The following BCAS3 variants were observed in gnomAD, a reference collection of about 807,000 sequenced individuals.
The protein encoded by BCAS3 is BCAS4/BCAS3 fusion.
BCAS3 carries 53 observed loss-of-function variants against 116.1 expected under a neutral mutation model. That is an observed-to-expected ratio of 0.46 (90% CI 0.37 to 0.57). BCAS3 has a LOEUF of 0.57. Ranked by LOEUF, BCAS3 falls within the 20% of genes least tolerant of loss-of-function variation. The probability of loss-of-function intolerance (pLI) is 0.00; values close to 1 mark genes in which losing one functional copy is unlikely to be tolerated. For missense variants in BCAS3, 917 were observed against 1,165.4 expected (o/e 0.79, Z 3.10); for synonymous variants, 391 against 408.2 (o/e 0.96, Z 0.51).
intron 22 of BCAS3, among the ~76,000 whole-genome samples, chr17:61,283,873 C>T (rs1430882520): frequency 6.6e-6 from 1 of 152,192 alleles, no homozygotes; most frequent in Non-Finnish European, 1.5e-5. Flanking sequence ...AAACAGTCCT[C>T]CTGCCTCAGC....
At chr17:60,714,667 C>T (rs562284844) in intron 5 of BCAS3, among the ~76,000 whole-genome samples, 1 of 152,172 alleles carries the variant, frequency 6.6e-6, no homozygotes, top group African/African-American at 2.4e-5. Flanking sequence ...ACAAAACTGT[C>T]CCACCTGGGA....
chr17:60,831,475 CTA>C (rs2050924238), intron 7 of BCAS3, among the ~76,000 whole-genome samples: 1 of 152,234 alleles, frequency 6.6e-6, no homozygotes, highest in African/African-American at 2.4e-5. Flanking sequence ...CTGCACCGAC[CTA>C]TGTTATGTCT....
intron 9 of BCAS3, among the ~76,000 whole-genome samples, chr17:60,881,939 G>C (rs370799111): frequency 6.7e-6 from 1 of 149,576 alleles, no homozygotes; most frequent in East Asian, 1.9e-4. Context: ...GATTTATAGT[G>C]CTTTGGGTAT....
intron 6 of BCAS3, among the ~76,000 whole-genome samples, chr17:60,786,049 C>A (rs899287892): frequency 4.6e-5 from 7 of 152,184 alleles, no homozygotes; most frequent in African/African-American, 1.7e-4. Context: ...ACTTGAGCAT[C>A]TGCAGATTTT....
At chr17:60,937,890 G>C (rs1032570326) in intron 13 of BCAS3, among the ~76,000 whole-genome samples, 3 of 152,136 alleles carry the variant, frequency 2.0e-5, no homozygotes, top group Non-Finnish European at 2.9e-5. Context: ...CCTTGAGGCT[G>C]GTTACAGTCT....
At chr17:60,854,949 GTTTTTTT>G (rs1267985905) in intron 7 of BCAS3, among the ~76,000 whole-genome samples, 1 of 121,932 alleles carries the variant, frequency 8.2e-6, no homozygotes, top group Non-Finnish European at 1.6e-5. Flanking sequence ...TTTCAGTGAG[GTTTTTTT>G]TTTTTTTTTT....
In BCAS3 at chr17:61,125,818, G is replaced by A. The variant is rs900850060; in HGVS notation, c.2425+41254G>A. Among the ~76,000 whole-genome samples, 11 of 152,186 alleles carry A rather than the reference G, an allele frequency of 7.2e-5. No homozygotes were observed. In the East Asian group the frequency reaches 9.7e-4, roughly 13 times the overall value. On this transcript the variant is annotated intron_variant, in intron 22 of 23. Coordinates refer to ENST00000407086, the MANE Select transcript of BCAS3 (RefSeq NM_017679.5). ...AGACTTCCAAAATGTCTTCTTTTAC[G>A]TAACTTTATCCATTAGAGGAAAAGT...
At chr17:60,720,436 G>A (rs1358860476) in intron 5 of BCAS3, 4 of 152,070 alleles carry the variant, frequency 2.6e-5, no homozygotes, top group Non-Finnish European at 4.4e-5. Flanking sequence ...TGCGCCCAGC[G>A]TCTTATCTTC....
Position 61,007,657 on chromosome 17 carries a change from G to A in BCAS3, c.1487-8094G>A, listed in dbSNP as rs2064811492. On this transcript the variant is annotated intron_variant, in intron 15 of 23. Coordinates refer to ENST00000407086, the MANE Select transcript of BCAS3 (RefSeq NM_017679.5). This position sits in a 1 kb window ranked among gnomAD's most constrained non-coding sequence, Gnocchi z 4.3. Reference sequence around the variant, plus strand: ...CTCCATGCAGGCTACTTTGTATGTAGTGGGGAGAAGTGATGACACTATCAT... The same window carrying A: ...CTCCATGCAGGCTACTTTGTATGTAATGGGGAGAAGTGATGACACTATCAT... Among the ~76,000 whole-genome samples the A allele has an allele frequency of 6.6e-6, 1 of 151,644 alleles. No individual in the cohort carries two copies. The highest frequency in any genetic ancestry group is 1.5e-5 in the Non-Finnish European group (1 of 67,932).
chr17:61,055,070 T>C (rs754539126), intron 19 of BCAS3, among the ~76,000 whole-genome samples: 17 of 152,134 alleles, frequency 1.1e-4, no homozygotes, highest in East Asian at 1.9e-4. Context: ...GATTGGGTAG[T>C]GGGGATAGGG....
At chr17:60,684,906 G>A (rs969277093) in intron 3 of BCAS3, among the ~76,000 whole-genome samples, 4 of 152,076 alleles carry the variant, frequency 2.6e-5, no homozygotes, top group Non-Finnish European at 5.9e-5. Context: ...AACCTGAAAA[G>A]CTGAGTGGGA....
rs1379146385 is a variant in BCAS3, at chr17:61,104,150, G to A, written c.2425+19586G>A. ...CCAAAATGACTATTTCACTTGGAAA[G>A]TTTTGTCTTTTCTGTAAAAATTCCA... On this transcript the variant is annotated intron_variant, in intron 22 of 23. Transcript: ENST00000407086. The surrounding 1 kb of genome is among the most constrained non-coding windows in gnomAD (Gnocchi z 4.1). 2.0e-5 allele frequency among the ~76,000 whole-genome samples: 3 copies of A among 152,116 alleles called. No individual in the cohort carries two copies. The highest frequency in any genetic ancestry group is 4.4e-5 in the Non-Finnish European group (3 of 68,018).
chr17:61,112,487 A>G (rs1362439773), intron 22 of BCAS3, among the ~76,000 whole-genome samples: 1 of 47,918 alleles, frequency 2.1e-5, no homozygotes, highest in Non-Finnish European at 4.4e-5. Flanking sequence ...AAAGAGACAA[A>G]GAAGGCCATT....
At chr17:61,091,412 C>T (rs1353280553) in intron 22 of BCAS3, among the ~76,000 whole-genome samples, 1 of 152,062 alleles carries the variant, frequency 6.6e-6, no homozygotes, top group African/African-American at 2.4e-5. Context: ...GAGTTGGGGG[C>T]ACTATTAGAA....
rs1382384463 is a variant in BCAS3, at chr17:61,224,478, G to A, written c.2425+139914G>A. On this transcript the variant is annotated intron_variant, in intron 22 of 23. Transcript: ENST00000407086. The surrounding 1 kb of genome is among the most constrained non-coding windows in gnomAD (Gnocchi z 5.7). ...GAAAACAGGGTGTACATATGGGGAC[G>A]AGCAGGTGGTTTGGTTTGCCCATCA... is the stretch of plus-strand genomic sequence containing the variant. Among the ~76,000 whole-genome samples, 2 of 152,190 alleles carry A rather than the reference G, an allele frequency of 1.3e-5. No homozygotes were observed. Among genetic ancestry groups the A allele is most frequent in the Admixed American group, 1.3e-4 (2 of 15,284 alleles).
At chr17:60,868,815 G>C in intron 8 of BCAS3, 132 bp downstream of exon 8, 1 of 510,996 alleles carries the variant, frequency 2.0e-6, no homozygotes, top group Non-Finnish European at 3.4e-6. Flanking sequence ...TCTGAATTCT[G>C]TTCAGTGGAA....
chr17:60,764,361 C>T (rs538442697), intron 6 of BCAS3, among the ~76,000 whole-genome samples: 4 of 152,296 alleles, frequency 2.6e-5, no homozygotes, highest in Admixed American at 2.0e-4. Context: ...CTACACACTG[C>T]TTTAAATGTG....
chr17:61,342,127 C>G (rs566436240), intron 22 of BCAS3, among the ~76,000 whole-genome samples: 1 of 152,256 alleles, frequency 6.6e-6, no homozygotes, highest in East Asian at 1.9e-4. Flanking sequence ...CCTCAGCCTC[C>G]TGAGTAGCTG....
intron 22 of BCAS3, among the ~76,000 whole-genome samples, chr17:61,237,539 G>C (rs1229038151): frequency 2.6e-5 from 4 of 152,328 alleles, no homozygotes; most frequent in Middle Eastern, 3.4e-3. Flanking sequence ...GCTGCTCACT[G>C]TTTGGGTCCT....
Sources: gnomAD v4.1 joint callset for allele counts (sites outside exome capture counted in the v4.1 genomes callset) on GRCh38, gnomAD v4.1.1 for gene constraint, Gnocchi (gnomAD v3.1) non-coding constraint, MANE v1.5 for transcripts, NCBI Gene and HGNC (gene_info 2026-07-23, HGNC 2026-07-21) for gene names.